The following SACS variants were observed in gnomAD, a reference collection of about 807,000 sequenced individuals.
SACS encodes sacsin molecular chaperone.
Under a neutral mutation model 348.0 loss-of-function variants are expected in SACS, and 197 were observed. That is an observed-to-expected ratio of 0.57 (90% CI 0.50 to 0.64). The LOEUF (loss-of-function observed/expected upper bound fraction) is 0.64, where lower values mean the gene tolerates loss of function less well. Among genes scored for constraint, SACS ranks in the 30% least tolerant of loss-of-function variants. The pLI is 0.00. For synonymous variants in SACS, 1,985 were observed against 1,910.6 expected (o/e 1.04, Z -1.02); for missense variants, 4,999 against 5,360.8 (o/e 0.93, Z 2.11).
At chr13:23,397,216 A>G (rs1872743456) in intron 2 of SACS, among the ~76,000 whole-genome samples, 1 of 152,210 alleles carries the variant, frequency 6.6e-6, no homozygotes, top group Admixed American at 6.5e-5. Context: ...ATTACAATTA[A>G]TAAGGGTGAG....
At position 23,333,664 on chromosome 13, in the gene SACS, T is replaced by C; in HGVS notation, c.10212A>G (p.Ile3404Met). The change falls in exon 10 of 10, where the codon ATA becomes ATG. Residue 3404 changes from isoleucine (I) to methionine (M), a missense_variant. This residue lies in a region of SACS where 734 missense variants were observed against 694.0 expected (regional missense o/e 1.06). Transcript: ENST00000382292. ...AGCACGGAAGTGACTTTAGAATTTT[T>C]ATATCATCTTGGGACATCAAATGAT... is the stretch of plus-strand genomic sequence containing the variant. ...NLNHLMSQDD[I>M]KILKSLPCYK... The C allele has an allele frequency of 6.2e-7, 1 of 1,613,872 alleles. No individual in the cohort carries two copies. The highest frequency in any genetic ancestry group is 8.5e-7 in the Non-Finnish European group (1 of 1,179,796).
Position 23,371,073 on chromosome 13 carries a change from T to C in SACS, c.259+5A>G. 1 of 1,571,896 alleles carries C rather than the reference T, an allele frequency of 6.4e-7. No homozygotes were observed. Among genetic ancestry groups the C allele is most frequent in the Non-Finnish European group, 8.7e-7 (1 of 1,143,004 alleles). On this transcript the variant is annotated splice_donor_5th_base_variant and intron_variant, in intron 4 of 9. Transcript: ENST00000382292. ...TATATACTTCTGGTAAAGTCAATAT[T>C]ATACCTCCCCCTTTTAAGCCTTTTG... is the stretch of plus-strand genomic sequence containing the variant.
chr13:23,338,629 A>G lies in SACS; in HGVS notation c.5247T>C (p.Leu1749=). The change falls in exon 10 of 10, where the codon CTT becomes CTC. Residue 1749 remains leucine, a synonymous_variant. Transcript: ENST00000382292. ...MKTCSSSNKK[L]PSDEPKSSCI... ...AAGATGACTTTGGTTCATCACTGGG[A>G]AGCTTTTTATTACTGCTGCTGCAAG... 2 of 1,614,152 alleles carry G rather than the reference A, an allele frequency of 1.2e-6. No individual in the cohort carries two copies. The highest frequency in any genetic ancestry group is 1.7e-6 in the Non-Finnish European group (2 of 1,180,012).
intron 3 of SACS, chr13:23,374,091 G>A (rs1871590001): frequency 1.3e-5 from 2 of 152,190 alleles, no homozygotes; most frequent in Admixed American, 1.3e-4. Context: ...TCAGTAAAAA[G>A]CTGAACTCTT....
At chr13:23,390,418 G>C (rs561682489) in intron 2 of SACS, among the ~76,000 whole-genome samples, 367 of 152,242 alleles carry the variant, frequency 2.4e-3, no homozygotes, top group Non-Finnish European at 3.8e-3. Context: ...CCAGCACTTC[G>C]GGAAGCTGAG....
In SACS at chr13:23,338,122, C is replaced by T. The variant is rs1355702259; in HGVS notation, c.5754G>A (p.Val1918=). The change falls in exon 10 of 10, where the codon GTG becomes GTA. Residue 1918 remains valine, a synonymous_variant. Transcript: ENST00000382292. ...CACTCAGTACCTGTAAGTAAGCTTTCACAATAACATGTCTCATGAACGTGG... is the reference window on the plus strand; with the variant it reads ...CACTCAGTACCTGTAAGTAAGCTTTTACAATAACATGTCTCATGAACGTGG... ...WNTTFMRHVI[V]KAYLQVLSVL... 6.2e-7 allele frequency: 1 copy of T among 1,614,164 alleles called. No individual in the cohort carries two copies. The highest frequency in any genetic ancestry group is 2.2e-5 in the East Asian group (1 of 44,884).
At chr13:23,427,501 G>C (rs1874236516) in intron 1 of SACS, 1 of 152,234 alleles carries the variant, frequency 6.6e-6, no homozygotes, top group Non-Finnish European at 1.5e-5. Context: ...TGGCACTACT[G>C]TACATATGAT....
At position 23,408,183 on chromosome 13, in the gene SACS, A is replaced by G. The variant is rs532337745; in HGVS notation, c.20+3037T>C. ...TCAAATGAAGCCCCCGCCCCCCAAC[A>G]TAAGAGAGGATTCCTAGACATTTCC... On this transcript the variant is annotated intron_variant, in intron 2 of 9. Transcript: ENST00000382292. Among the ~76,000 whole-genome samples the G allele has an allele frequency of 3.3e-5, 5 of 151,370 alleles. No homozygotes were observed. In the South Asian group the frequency reaches 8.5e-4, roughly 26 times the overall value.
At chr13:23,351,323 T>G (rs1245191033) in intron 9 of SACS, among the ~76,000 whole-genome samples, 2 of 152,308 alleles carry the variant, frequency 1.3e-5, no homozygotes, top group African/African-American at 4.8e-5. Flanking sequence ...GTGATATGGT[T>G]TGGCTGTGTC....
At chr13:23,401,509 G>A (rs1165930077) in intron 2 of SACS, among the ~76,000 whole-genome samples, 2 of 152,116 alleles carry the variant, frequency 1.3e-5, no homozygotes, top group Non-Finnish European at 2.9e-5. Flanking sequence ...CCTCTGCCGT[G>A]ACCACCTTGG....
chr13:23,365,022 G>A (rs142363717), intron 6 of SACS, 144 bp downstream of exon 6: 3 of 588,906 alleles, frequency 5.1e-6, no homozygotes, highest in Non-Finnish European at 8.9e-6. Context: ...CCCACCAAAA[G>A]CAGAGAAAAA....
chr13:23,357,611 G>C (rs896939018), intron 7 of SACS, among the ~76,000 whole-genome samples: 6 of 152,066 alleles, frequency 3.9e-5, no homozygotes, highest in African/African-American at 1.4e-4. Flanking sequence ...TCCTTCTCCT[G>C]CAAGACACAG....
Position 23,365,222 on chromosome 13 carries a change from T to C in SACS, c.401A>G (p.Asp134Gly), listed in dbSNP as rs1870988498. 2 of 1,612,964 alleles carry C rather than the reference T, an allele frequency of 1.2e-6. No individual in the cohort carries two copies. The highest frequency in any genetic ancestry group is 1.1e-5 in the South Asian group (1 of 90,496). The part of the protein sequence containing the change: ...AGATEVKFLY[D>G]ETQYGTETLW... ...AGTCTCTGTTCCGTATTGAGTTTCA[T>C]CATATAAAAATTTAACTTCTGTCGC... Residue 134 changes from aspartate to glycine, a missense_variant, in exon 6 of 10, where the codon GAT becomes GGT. Transcript: ENST00000382292.
chr13:23,375,470 A>T, intron 2 of SACS: 1 of 1,165,160 alleles, frequency 8.6e-7, no homozygotes, highest in Non-Finnish European at 1.1e-6. Flanking sequence ...CGGGATCCGC[A>T]TGGCGCAGTC....
At chr13:23,397,875 A>G (rs553691577) in intron 2 of SACS, among the ~76,000 whole-genome samples, 176 of 152,316 alleles carry the variant, frequency 1.2e-3, no homozygotes, top group Middle Eastern at 3.4e-3. Flanking sequence ...TATATTTTAG[A>G]GAGGCATGAG....
At chr13:23,372,209 T>A (rs1871435805) in intron 3 of SACS, among the ~76,000 whole-genome samples, 2 of 152,174 alleles carry the variant, frequency 1.3e-5, no homozygotes, top group Admixed American at 6.5e-5. Flanking sequence ...GTATTTATAA[T>A]CTGGGACCTG....
chr13:23,353,950 T>C (rs1347239116), intron 8 of SACS, 74 bp from the exon 9 acceptor site: 5 of 914,860 alleles, frequency 5.5e-6, no homozygotes, highest in African/African-American at 1.6e-5. Flanking sequence ...AATCACATAT[T>C]TTCAAGTCAG....
intron 2 of SACS, among the ~76,000 whole-genome samples, chr13:23,406,795 G>C (rs1440093745): frequency 6.6e-6 from 1 of 152,108 alleles, no homozygotes; most frequent in Non-Finnish European, 1.5e-5. Context: ...CAAATCTAAT[G>C]AAACCAGACA....
chr13:23,331,440 A>G lies in SACS; in HGVS notation c.12436T>C (p.Ser4146Pro). Residue 4146 changes from serine to proline, a missense_variant, in exon 10 of 10, where the codon TCG becomes CCG. By Grantham distance (74) the Ser-to-Pro change is moderately conservative. This residue lies in a region of SACS where 831 missense variants were observed against 941.8 expected (regional missense o/e 0.88). Coordinates refer to ENST00000382292, the MANE Select transcript of SACS (RefSeq NM_014363.6). ...GGAAGTTCCAGTTTTGATGGCTCCG[A>G]AGAGTCATATTTCACTCCTAAACTG... Reference protein sequence around the residue: ...LDSLGVKYDSSEPSKLELPMP... With the variant: ...LDSLGVKYDSPEPSKLELPMP... The G allele has an allele frequency of 6.2e-7, 1 of 1,614,032 alleles. No homozygotes were observed. The highest frequency in any genetic ancestry group is 8.5e-7 in the Non-Finnish European group (1 of 1,179,926).
Sources: allele counts gnomAD v4.1 joint callset (sites outside exome capture counted in the v4.1 genomes callset), GRCh38; gene constraint gnomAD v4.1.1; regional missense constraint gnomAD v4.1.1; transcripts MANE v1.5; gene names NCBI Gene and HGNC (gene_info 2026-07-23, HGNC 2026-07-21).